PRKACB: variants seen among roughly 807,000 people sequenced by gnomAD.
The protein encoded by PRKACB is cAMP-dependent protein kinase catalytic subunit beta.
In PRKACB, 16 loss-of-function variants were observed where a neutral mutation model predicts 51.4. The observed-to-expected ratio is 0.31, with a 90% CI of 0.21 to 0.47. The LOEUF is 0.47. Ranked by LOEUF, PRKACB falls within the 20% of genes least tolerant of loss-of-function variation. The pLI is 1.00. For missense variants in PRKACB, 309 were observed against 464.5 expected, an observed-to-expected ratio of 0.67 and a Z score of 3.08; for synonymous variants, 147 against 154.4, an observed-to-expected ratio of 0.95 and a Z score of 0.35.
At chr1:84,189,773 CAG>C (rs1424605385) in intron 5 of PRKACB, among the ~76,000 whole-genome samples, 1 of 151,890 alleles carries the variant, frequency 6.6e-6, no homozygotes, top group Non-Finnish European at 1.5e-5. Context: ...GTCAAAGAAA[CAG>C]ATTTTATAAT....
chr1:84,227,506 C>T (rs777567498), intron 9 of PRKACB, among the ~76,000 whole-genome samples: 15 of 152,056 alleles, frequency 9.9e-5, no homozygotes, highest in Non-Finnish European at 1.8e-4. Flanking sequence ...ATAAAATCTT[C>T]TGCCAAATAG....
intron 8 of PRKACB, chr1:84,205,383 T>C (rs767728390): frequency 8.4e-6 from 5 of 595,826 alleles, no homozygotes; most frequent in Non-Finnish European, 1.1e-5. Context: ...GGAAACTAAC[T>C]AGTTTTTTAA....
chr1:84,182,209 G>A lies in PRKACB; in HGVS notation c.259G>A (p.Gly87Arg), dbSNP rs148797911. 2.0e-5 allele frequency: 32 copies of A among 1,561,290 alleles called. 1 individual carries two copies. The highest frequency in any genetic ancestry group is 1.3e-4 in the Admixed American group (7 of 55,278). ...KWENPTQNNA[G>R]LEDFERKKTL... Reference sequence around the variant, plus strand: ...ATGTATTTACATATAGAATAATGCCGGACTTGAAGATTTTGAAAGGAAAAA... The same window carrying A: ...ATGTATTTACATATAGAATAATGCCAGACTTGAAGATTTTGAAAGGAAAAA... Residue 87 changes from glycine to arginine, a missense_variant, in exon 3 of 10, where the codon GGA (glycine) becomes AGA (arginine). By Grantham distance (125) the Gly-to-Arg change is moderately radical. This residue lies in a region of PRKACB where 153 missense variants were observed against 190.2 expected (regional missense o/e 0.80). Transcript: ENST00000370685.
chr1:84,203,638 G>A (rs1010162924), intron 8 of PRKACB, among the ~76,000 whole-genome samples: 19 of 151,764 alleles, frequency 1.3e-4, no homozygotes, highest in African/African-American at 4.6e-4. Flanking sequence ...AAAATATATG[G>A]GAAGGGATAT....
chr1:84,133,405 A>G (rs1038508176), intron 1 of PRKACB, among the ~76,000 whole-genome samples: 2 of 152,216 alleles, frequency 1.3e-5, no homozygotes, highest in East Asian at 1.9e-4. Flanking sequence ...AATAATGATA[A>G]AAGGAAAAAA....
upstream of PRKACB, among the ~76,000 whole-genome samples, chr1:84,140,754 C>G (rs938487022): frequency 1.3e-5 from 2 of 152,082 alleles, no homozygotes; most frequent in African/African-American, 2.4e-5. Context: ...CTTCTTCACT[C>G]TTATTTGGAA....
At chr1:84,187,330 T>G (rs1665432158) in intron 5 of PRKACB, among the ~76,000 whole-genome samples, 1 of 152,194 alleles carries the variant, frequency 6.6e-6, no homozygotes. Context: ...ATTGTGAATT[T>G]TAAATTACAA....
At chr1:84,195,671 GGGA>G (rs1229291919) in intron 5 of PRKACB, among the ~76,000 whole-genome samples, 2 of 152,094 alleles carry the variant, frequency 1.3e-5, no homozygotes, top group Non-Finnish European at 2.9e-5. Flanking sequence ...CCAGCACTTT[GGGA>G]GGCTGAGGCG....
In PRKACB at chr1:84,131,843, C is replaced by T. The variant is rs143152905; in HGVS notation, c.47-47334C>T. Among the ~76,000 whole-genome samples the T allele has an allele frequency of 4.5e-4, 68 of 152,222 alleles. 1 individual carries two copies. The highest frequency in any genetic ancestry group is 3.7e-3 in the South Asian group (18 of 4,822). On this transcript the variant is annotated intron_variant, in intron 1 of 8. Coordinates refer to the PRKACB transcript ENST00000370688. ...CTGGGAGCAGCAGTCTTAGGGAGGCCCCCACACTTTCATGGGTTTTGCTTC... is the reference window on the plus strand; with the variant it reads ...CTGGGAGCAGCAGTCTTAGGGAGGCTCCCACACTTTCATGGGTTTTGCTTC...
At chr1:84,098,594 T>C (rs1015628570) in intron 1 of PRKACB, among the ~76,000 whole-genome samples, 19 of 151,998 alleles carry the variant, frequency 1.3e-4, no homozygotes, top group African/African-American at 4.6e-4. Context: ...GAGTGGGAGA[T>C]TGGATGGACT....
chr1:84,179,377 C>A, intron 2 of PRKACB, 139 bp downstream of exon 2: 2 of 1,055,580 alleles, frequency 1.9e-6, no homozygotes, highest in Non-Finnish European at 1.3e-6. Context: ...GGGAATTTTG[C>A]CATAGTTATA....
intron 1 of PRKACB, among the ~76,000 whole-genome samples, chr1:84,118,962 A>G (rs1228530935): frequency 6.6e-6 from 1 of 152,212 alleles, no homozygotes; most frequent in East Asian, 1.9e-4. Flanking sequence ...CAGAGACCCT[A>G]TTCAAACTGA....
intron 9 of PRKACB, among the ~76,000 whole-genome samples, chr1:84,231,041 A>C (rs1049846043): frequency 7.0e-6 from 1 of 142,254 alleles, no homozygotes; most frequent in African/African-American, 2.8e-5. Flanking sequence ...GTTTTTGCCC[A>C]TTCAGTATGA....
At chr1:84,113,458 T>A (rs1650393021) in intron 1 of PRKACB, among the ~76,000 whole-genome samples, 1 of 152,306 alleles carries the variant, frequency 6.6e-6, no homozygotes, top group South Asian at 2.1e-4. Context: ...GAAACAGTTT[T>A]TCAGTTTCTT....
At position 84,086,084 on chromosome 1, in the gene PRKACB, A is replaced by G. The variant is rs148239586; in HGVS notation, c.46+7713A>G. ...GAAAGTGCTGATGGCCAAGGTGTATATTGATGACCACACAGACCTCGCCAT... is the reference window on the plus strand; with the variant it reads ...GAAAGTGCTGATGGCCAAGGTGTATGTTGATGACCACACAGACCTCGCCAT... On this transcript the variant is annotated intron_variant, in intron 1 of 8. Coordinates refer to the PRKACB transcript ENST00000370688. The G allele has an allele frequency of 5.2e-4, 693 of 1,324,560 alleles. 2 individuals are homozygous for G. The African/African-American group carries it at 8.3e-3, about 16-fold the overall frequency. The allele number at this position is 1,324,560 out of a possible 1,614,324, so 82.1% of individuals were successfully genotyped here. A position where few individuals can be genotyped will look rare whatever the true frequency, so the allele number is the denominator to read the frequency against.
At chr1:84,206,801 A>G (rs148948414) in intron 8 of PRKACB, among the ~76,000 whole-genome samples, 134 of 152,304 alleles carry the variant, frequency 8.8e-4, no homozygotes, top group Middle Eastern at 3.4e-3. Flanking sequence ...ATGTTGGTAT[A>G]AGGGCACTGG....
At chr1:84,110,986 C>G (rs1005281245) in intron 1 of PRKACB, among the ~76,000 whole-genome samples, 4 of 151,958 alleles carry the variant, frequency 2.6e-5, no homozygotes, top group Non-Finnish European at 5.9e-5. Flanking sequence ...TTCACTGATT[C>G]TAGCTTAGTT....
chr1:84,104,306 A>G (rs1370317080), intron 1 of PRKACB, among the ~76,000 whole-genome samples: 1 of 152,086 alleles, frequency 6.6e-6, no homozygotes. Context: ...AAATAACAGG[A>G]TTTCATTCTT....
Position 84,232,720 on chromosome 1 carries a change from G to A in PRKACB, c.1072-2460G>A, listed in dbSNP as rs545348486. ...TTGGTTTAAAGTCTGTTTTATCAGA[G>A]ACTAGGATTGCAACCCCTGCCTTTT... On this transcript the variant is annotated intron_variant, in intron 9 of 9. Transcript: ENST00000370685. Among the ~76,000 whole-genome samples the A allele has an allele frequency of 1.7e-3, 255 of 152,086 alleles. 2 individuals carry two copies. The highest frequency in any genetic ancestry group is 5.8e-3 in the African/African-American group (240 of 41,452).
Sources: gnomAD v4.1 joint callset for allele counts (sites outside exome capture counted in the v4.1 genomes callset) on GRCh38, gnomAD v4.1.1 for gene constraint, gnomAD v4.1.1 regional missense constraint, MANE v1.5 for transcripts, NCBI Gene and HGNC (gene_info 2026-07-23, HGNC 2026-07-21) for gene names.